Variants in VPS52 observed in about 807,000 individuals in gnomAD.
VPS52 encodes the protein vacuolar protein sorting-associated protein 52 homolog.
Under a neutral mutation model 98.7 loss-of-function variants are expected in VPS52, and 56 were observed. The observed-to-expected ratio is 0.57, with a 90% CI of 0.46 to 0.71. The LOEUF (loss-of-function observed/expected upper bound fraction) is 0.71, where lower values mean the gene tolerates loss of function less well. Ranked by LOEUF, VPS52 falls within the 30% of genes least tolerant of loss-of-function variation. The pLI is 0.00. For missense variants in VPS52, 742 were observed against 925.9 expected, an observed-to-expected ratio of 0.80 and a Z score of 2.58; for synonymous variants, 348 against 346.4, an observed-to-expected ratio of 1.00 and a Z score of -0.05.
Position 33,251,547 on chromosome 6 carries a change from T to C in VPS52, c.1996A>G (p.Asn666Asp), listed in dbSNP as rs1188108902. 2 of 1,613,680 alleles carry C rather than the reference T, an allele frequency of 1.2e-6. No homozygotes were observed. Among genetic ancestry groups the C allele is most frequent in the Non-Finnish European group, 1.7e-6 (2 of 1,179,820 alleles). The change falls in exon 19 of 20, where the codon AAC (asparagine) becomes GAC (aspartate). Residue 666 changes from asparagine (N) to aspartate (D), a missense_variant. Transcript: ENST00000445902. ...ATGATACTGGTGCCATTTCTGAAGT[T>C]GGTGAAACTCCGCATTACATCCTGA... is the stretch of plus-strand genomic sequence containing the variant. ...LSQDVMRSFT[N>D]FRNGTSIIQG...
chr6:33,250,716 G>T lies in VPS52; in HGVS notation c.*125C>A. On this transcript the variant is annotated 3_prime_UTR_variant, in exon 20 of 20. Transcript: ENST00000445902. Reference sequence around the variant, plus strand: ...AGGTGCTGGGAGTGAAGGCAGGTAAGCCATGTCAAGGGCCTGGGAAGCAAG... The same window carrying T: ...AGGTGCTGGGAGTGAAGGCAGGTAATCCATGTCAAGGGCCTGGGAAGCAAG... 7.6e-7 allele frequency: 1 copy of T among 1,313,272 alleles called. No homozygotes were observed. Among genetic ancestry groups the T allele is most frequent in the Non-Finnish European group, 1.0e-6 (1 of 954,616 alleles). 81.4% of individuals were successfully genotyped at this position (1,313,272 alleles called of 1,614,324 possible).
chr6:33,266,838 A>G, intron 11 of VPS52, 126 bp from the exon 12 acceptor site: 1 of 1,267,770 alleles, frequency 7.9e-7, no homozygotes, highest in Non-Finnish European at 1.1e-6. Flanking sequence ...GCATCTATCT[A>G]GGTCCGGGCT....
chr6:33,271,810 G>A lies in VPS52; in HGVS notation c.-135C>T, dbSNP rs1765139199. The A allele has an allele frequency of 2.8e-6, 4 of 1,451,314 alleles. No homozygotes were observed. Among genetic ancestry groups the A allele is most frequent in the Non-Finnish European group, 2.7e-6 (3 of 1,101,794 alleles). 89.9% of individuals were successfully genotyped at this position (1,451,314 alleles called of 1,614,324 possible). On this transcript the variant is annotated 5_prime_UTR_variant, in exon 1 of 20. Coordinates refer to ENST00000445902, the MANE Select transcript of VPS52 (RefSeq NM_022553.6). ...TGAGTTAAGTTGTTTGACTCCAGCT[G>A]TCCCCTTTCAGCTCTAACCACTTCA... is the stretch of plus-strand genomic sequence containing the variant.
chr6:33,251,303 C>G (rs564676221), intron 19 of VPS52, among the ~76,000 whole-genome samples: 36 of 151,768 alleles, frequency 2.4e-4, no homozygotes, highest in Non-Finnish European at 4.3e-4. Context: ...GACTGTGCCA[C>G]TGCACTCCAG....
At chr6:33,258,119 G>A (rs940060707) in intron 17 of VPS52, among the ~76,000 whole-genome samples, 1 of 151,520 alleles carries the variant, frequency 6.6e-6, no homozygotes, top group Admixed American at 6.6e-5. Context: ...TGGACGCGGT[G>A]GCTCATGCCT....
At chr6:33,264,599 G>A in intron 13 of VPS52, 102 bp from the exon 14 acceptor site, 1 of 1,546,100 alleles carries the variant, frequency 6.5e-7, no homozygotes, top group South Asian at 1.2e-5. Flanking sequence ...AGCTAGTTGT[G>A]GGGGTTGGGG....
In VPS52 at chr6:33,268,289, G is replaced by C; in HGVS notation, c.700-81C>G. On this transcript the variant is annotated intron_variant, in intron 7 of 19. Transcript: ENST00000445902. The surrounding 1 kb of genome is among the most constrained non-coding windows in gnomAD (Gnocchi z 4.0). Reference sequence around the variant, plus strand: ...GAGGAACTGGGGGAAGCAACAAATGGTAAACATAGGCAGAAGGGTGGTGAA... The same window carrying C: ...GAGGAACTGGGGGAAGCAACAAATGCTAAACATAGGCAGAAGGGTGGTGAA... The C allele has an allele frequency of 6.9e-7, 1 of 1,446,754 alleles. No homozygotes were observed. The highest frequency in any genetic ancestry group is 9.7e-7 in the Non-Finnish European group (1 of 1,033,534). 89.6% of individuals were successfully genotyped at this position (1,446,754 alleles called of 1,614,324 possible). A position where few individuals can be genotyped will look rare whatever the true frequency, so the allele number is the denominator to read the frequency against.
Position 33,271,857 on chromosome 6 carries a change from G to A in VPS52, c.-182C>T. 1 of 1,347,884 alleles carries A rather than the reference G, an allele frequency of 7.4e-7. No homozygotes were observed. 83.5% of individuals were successfully genotyped at this position (1,347,884 alleles called of 1,614,324 possible). A position where few individuals can be genotyped will look rare whatever the true frequency, so the allele number is the denominator to read the frequency against. On this transcript the variant is annotated 5_prime_UTR_variant, in exon 1 of 20. Coordinates refer to ENST00000445902, the MANE Select transcript of VPS52 (RefSeq NM_022553.6). ...TTCACCCAACTGCAAATGGAAATAT[G>A]GAAGTCTGAAACACAAACTAGCCCC...
rs1375253953 is a variant in VPS52 at position 33,268,397 on chromosome 6, C to G, written c.699+102G>C. 6.8e-7 allele frequency: 1 copy of G among 1,468,386 alleles called. No individual in the cohort carries two copies. The highest frequency in any genetic ancestry group is 9.2e-7 in the Non-Finnish European group (1 of 1,085,940). The allele number at this position is 1,468,386 out of a possible 1,614,324, so 91.0% of individuals were successfully genotyped here. A position where few individuals can be genotyped will look rare whatever the true frequency, so the allele number is the denominator to read the frequency against. ...TGCCCAGAAAAGGCAGGGTGAAGTCCCTGGAGACAGGCTACAGTGAGCTCT... is the reference window on the plus strand; with the variant it reads ...TGCCCAGAAAAGGCAGGGTGAAGTCGCTGGAGACAGGCTACAGTGAGCTCT... On this transcript the variant is annotated intron_variant, in intron 7 of 19. Transcript: ENST00000445902. This position sits in a 1 kb window ranked among gnomAD's most constrained non-coding sequence, Gnocchi z 4.0.
chr6:33,264,970 A>G (rs1384222878), intron 12 of VPS52, 70 bp from the exon 13 acceptor site: 1 of 1,358,416 alleles, frequency 7.4e-7, no homozygotes, highest in Non-Finnish European at 1.1e-6. Context: ...GACTATGAAC[A>G]AACGCATTTG....
At chr6:33,270,672 C>T (rs898381183) in intron 1 of VPS52, among the ~76,000 whole-genome samples, 1 of 151,978 alleles carries the variant, frequency 6.6e-6, no homozygotes, top group African/African-American at 2.4e-5. Flanking sequence ...CAGTGGAGGC[C>T]GGACGCAGTG....
chr6:33,267,187 C>A lies in VPS52; in HGVS notation c.1125+1G>T. The A allele has an allele frequency of 1.3e-6, 2 of 1,501,210 alleles. No homozygotes were observed. Among genetic ancestry groups the A allele is most frequent in the Non-Finnish European group, 1.8e-6 (2 of 1,125,114 alleles). The allele number at this position is 1,501,210 out of a possible 1,614,324, so 93.0% of individuals were successfully genotyped here. The stretch of plus-strand genomic sequence containing the variant: ...TGACTGAAGCTTGTTCCTCCTCATA[C>A]CCTCTGCTCTCCGCGCTGCGCTGTG... On this transcript the variant is annotated splice_donor_variant, in intron 11 of 19. Transcript: ENST00000445902. LOFTEE classifies it high-confidence loss of function. The surrounding 1 kb of genome is among the most constrained non-coding windows in gnomAD (Gnocchi z 4.2).
intron 17 of VPS52, among the ~76,000 whole-genome samples, chr6:33,256,308 GAA>G (rs200321514): frequency 6.9e-6 from 1 of 145,180 alleles, no homozygotes. Context: ...ATTCTCTACA[GAA>G]AAAAAAAAGC....
chr6:33,261,660 G>C (rs1006547291), intron 17 of VPS52, among the ~76,000 whole-genome samples: 5 of 152,050 alleles, frequency 3.3e-5, no homozygotes, highest in South Asian at 2.1e-4. Context: ...TCCAAGACAC[G>C]GGTCTGGGCA....
chr6:33,266,736 A>C (rs1764366294), intron 11 of VPS52, 24 bp from the exon 12 acceptor site: 10 of 1,588,906 alleles, frequency 6.3e-6, no homozygotes, highest in Non-Finnish European at 7.7e-6. Context: ...AGTAAAGAAG[A>C]AAAACAGAAG....
chr6:33,270,427 C>T, intron 1 of VPS52, 144 bp from the exon 2 acceptor site: 1 of 715,634 alleles, frequency 1.4e-6, no homozygotes, highest in Non-Finnish European at 2.3e-6. Flanking sequence ...CTAAGAGTCT[C>T]ACGTTGTACC....
Position 33,267,592 on chromosome 6 carries a change from G to T in VPS52, c.991+90C>A. 1 of 1,476,646 alleles carries T rather than the reference G, an allele frequency of 6.8e-7. No individual in the cohort carries two copies. The allele number at this position is 1,476,646 out of a possible 1,614,324, so 91.5% of individuals were successfully genotyped here. On this transcript the variant is annotated intron_variant, in intron 10 of 19. Transcript: ENST00000445902. The surrounding 1 kb of genome is among the most constrained non-coding windows in gnomAD (Gnocchi z 4.2). ...ATTCTAAAAGGTTTCAGTCCCATAGGAAAAGGTAAGGAGCAGTGCATTGGT... is the reference window on the plus strand; with the variant it reads ...ATTCTAAAAGGTTTCAGTCCCATAGTAAAAGGTAAGGAGCAGTGCATTGGT...
rs766352589 is a variant in VPS52 at position 33,250,843 on chromosome 6, A to G, written c.2170T>C (p.Ter724ArgextTer55). ...VELKKHKPNF[*>R] ...ATCTCAGGGCGGTTTCTGGCACATC[A>G]GAAGTTGGGCTTATGCTTCTTGAGC... Residue 724 changes from the stop codon to arginine (R), a stop_lost, in exon 20 of 20, where the codon TGA becomes CGA. Coordinates refer to ENST00000445902, the MANE Select transcript of VPS52 (RefSeq NM_022553.6). 23 of 1,610,178 alleles carry G rather than the reference A, an allele frequency of 1.4e-5. No individual in the cohort carries two copies. Among genetic ancestry groups the G allele is most frequent in the Non-Finnish European group, 2.0e-5 (23 of 1,177,884 alleles).
chr6:33,271,367 A>G (rs1765043303), intron 1 of VPS52: 1 of 726,166 alleles, frequency 1.4e-6, no homozygotes, highest in African/African-American at 1.7e-5. Flanking sequence ...CTACCCCAAA[A>G]TGTGGAGTGA....
Sources: allele counts gnomAD v4.1 joint callset (sites outside exome capture counted in the v4.1 genomes callset), GRCh38; gene constraint gnomAD v4.1.1; non-coding constraint Gnocchi (gnomAD v3.1); transcripts MANE v1.5; gene names NCBI Gene and HGNC (gene_info 2026-07-23, HGNC 2026-07-21).